Variants in IMMP2L observed in about 807,000 individuals in gnomAD.
The protein encoded by IMMP2L is mitochondrial inner membrane protease subunit 2.
A neutral mutation model predicts 19.3 loss-of-function variants in IMMP2L; 18 were observed. The ratio of observed to expected loss-of-function variants is 0.93; its 90% CI spans 0.64 to 1.38. The LOEUF is 1.38. IMMP2L is among the 40% of genes most tolerant of loss of function. The pLI is 0.00. For synonymous variants in IMMP2L, 76 were observed against 73.0 expected (o/e 1.04, Z -0.21); for missense variants, 233 against 218.2 (o/e 1.07, Z -0.43).
intron 3 of IMMP2L, among the ~76,000 whole-genome samples, chr7:111,191,007 C>T (rs547734334): frequency 4.8e-4 from 73 of 152,002 alleles, no homozygotes; most frequent in Non-Finnish European, 8.4e-4. Flanking sequence ...AGCGGGCAAA[C>T]GGAATAGGAA....
intron 3 of IMMP2L, among the ~76,000 whole-genome samples, chr7:111,452,909 A>C (rs921089904): frequency 5.3e-5 from 8 of 152,166 alleles, no homozygotes; most frequent in Non-Finnish European, 1.5e-5. Context: ...GCTAGAAAGT[A>C]AGCTTCAAAA....
chr7:111,062,524 G>A (rs1794113443), intron 3 of IMMP2L, among the ~76,000 whole-genome samples: 1 of 152,050 alleles, frequency 6.6e-6, no homozygotes, highest in Non-Finnish European at 1.5e-5. Flanking sequence ...CTTCCCAACA[G>A]TCCCCTAAAG....
intron 3 of IMMP2L, among the ~76,000 whole-genome samples, chr7:111,471,669 T>C (rs1209575044): frequency 6.6e-6 from 1 of 152,172 alleles, no homozygotes; most frequent in Non-Finnish European, 1.5e-5. Context: ...TCTCACTTGT[T>C]TCAAAGTGTT....
intron 2 of IMMP2L, among the ~76,000 whole-genome samples, chr7:111,520,789 T>G (rs542960811): frequency 2.6e-4 from 39 of 152,262 alleles, no homozygotes; most frequent in African/African-American, 8.9e-4. Context: ...CATAAAACTT[T>G]TGGAAATCTC....
chr7:111,338,585 G>A (rs530952271), intron 3 of IMMP2L, among the ~76,000 whole-genome samples: 1 of 152,178 alleles, frequency 6.6e-6, no homozygotes, highest in Non-Finnish European at 1.5e-5. Context: ...GTTAGTTTAG[G>A]ATCTTATAGC....
chr7:111,320,259 T>C (rs554657773), intron 3 of IMMP2L, among the ~76,000 whole-genome samples: 6 of 152,180 alleles, frequency 3.9e-5, no homozygotes, highest in Admixed American at 2.0e-4. Context: ...CCTCAGTCAA[T>C]GGCTTCACCA....
At chr7:111,352,209 A>G (rs987258958) in intron 3 of IMMP2L, among the ~76,000 whole-genome samples, 5 of 152,058 alleles carry the variant, frequency 3.3e-5, no homozygotes, top group African/African-American at 1.2e-4. Flanking sequence ...AGGATATGGG[A>G]GAAGTATTTT....
rs147133517 is a variant in IMMP2L, at chr7:111,357,806, T to C, written c.239+129432A>G. Among the ~76,000 whole-genome samples, 6 of 152,056 alleles carry C rather than the reference T, an allele frequency of 3.9e-5. No individual in the cohort carries two copies. In the South Asian group the frequency reaches 1.0e-3, roughly 26 times the overall value. On this transcript the variant is annotated intron_variant, in intron 3 of 5. Coordinates refer to ENST00000405709, the MANE Select transcript of IMMP2L (RefSeq NM_032549.4). ...AAGAAATTATATATATATATACTTA[T>C]CCATTTCTATCTGGTACTTTTAACC... is the stretch of plus-strand genomic sequence containing the variant.
At chr7:110,796,836 C>T (rs1019396928) in intron 5 of IMMP2L, among the ~76,000 whole-genome samples, 4 of 151,942 alleles carry the variant, frequency 2.6e-5, no homozygotes, top group South Asian at 2.1e-4. Flanking sequence ...AGGTGTTAGC[C>T]GAACACTCCA....
At chr7:110,904,997 T>G (rs1812301920) in intron 4 of IMMP2L, among the ~76,000 whole-genome samples, 1 of 152,194 alleles carries the variant, frequency 6.6e-6, no homozygotes, top group Non-Finnish European at 1.5e-5. Flanking sequence ...AATACCACTT[T>G]GATCAGATAA....
intron 3 of IMMP2L, among the ~76,000 whole-genome samples, chr7:111,031,721 G>A (rs192608904): frequency 5.9e-4 from 90 of 152,180 alleles, no homozygotes; most frequent in African/African-American, 2.0e-3. Flanking sequence ...TGCTCATAGT[G>A]ACTATCTTCT....
chr7:111,252,609 G>T (rs951589082), intron 3 of IMMP2L, among the ~76,000 whole-genome samples: 60 of 152,260 alleles, frequency 3.9e-4, no homozygotes, highest in African/African-American at 1.4e-3. Flanking sequence ...ATAATACGTG[G>T]CTCCAAGACT....
chr7:110,953,296 C>G (rs1296832233), intron 4 of IMMP2L, among the ~76,000 whole-genome samples: 1 of 151,984 alleles, frequency 6.6e-6, no homozygotes, highest in Non-Finnish European at 1.5e-5. Context: ...AGTTATTTCT[C>G]CTAGTGCTGT....
chr7:110,882,287 G>GCCTTCCTTCCCT lies in IMMP2L; in HGVS notation c.408+4305_408+4306insAGGGAAGGAAGG, dbSNP rs1554445659. 3.1e-4 allele frequency among the ~76,000 whole-genome samples: 38 copies of GCCTTCCTTCCCT among 122,180 alleles called. 1 individual carries two copies. The highest frequency in any genetic ancestry group is 1.3e-3 in the African/African-American group (38 of 30,180). The allele number at this position is 122,180 out of a possible 152,430, so 80.2% of individuals were successfully genotyped here. Reference sequence around the variant, plus strand: ...GTCCCAATTCCTCTCTTTGTCAAGTGCCTTCCTTCCTTCCTTCCTTCCTTC... The same window carrying GCCTTCCTTCCCT: ...GTCCCAATTCCTCTCTTTGTCAAGTGCCTTCCTTCCCTCCTTCCTTCCTTCCTTCCTTCCTTC... On this transcript the variant is annotated intron_variant, in intron 5 of 5. Transcript: ENST00000405709.
intron 5 of IMMP2L, among the ~76,000 whole-genome samples, chr7:110,666,398 C>G (rs375854493): frequency 9.8e-4 from 149 of 152,264 alleles, no homozygotes; most frequent in African/African-American, 3.4e-3. Context: ...CCTCAGCCTC[C>G]TGAGTAGCTG....
At position 110,727,294 on chromosome 7, in the gene IMMP2L, G is replaced by A; in HGVS notation, c.409-63573C>T. On this transcript the variant is annotated intron_variant, in intron 5 of 5. Coordinates refer to ENST00000405709, the MANE Select transcript of IMMP2L (RefSeq NM_032549.4). The surrounding 1 kb of genome is among the most constrained non-coding windows in gnomAD (Gnocchi z 4.3). ...AAATCCCAGCTACTCAGGAGGCTGG[G>A]GCAGGAGAAGCACTTGAACCCAGGA... Among the ~76,000 whole-genome samples, 1 of 152,084 alleles carries A rather than the reference G, an allele frequency of 6.6e-6. No individual in the cohort carries two copies. Among genetic ancestry groups the A allele is most frequent in the East Asian group, 1.9e-4 (1 of 5,182 alleles).
In IMMP2L at chr7:110,969,674, T is replaced by C. The variant is rs529159784; in HGVS notation, c.240-6109A>G. ...TTTTTAAGTGTATAGAAAACTTTAA[T>C]GAAAATAGAGTCAAATTTCAAGCAA... is the stretch of plus-strand genomic sequence containing the variant. On this transcript the variant is annotated intron_variant, in intron 3 of 5. Coordinates refer to ENST00000405709, the MANE Select transcript of IMMP2L (RefSeq NM_032549.4). Among the ~76,000 whole-genome samples, 3 of 152,198 alleles carry C rather than the reference T, an allele frequency of 2.0e-5. No homozygotes were observed. The East Asian group carries it at 5.8e-4, about 30-fold the overall frequency.
intron 3 of IMMP2L, among the ~76,000 whole-genome samples, chr7:111,321,571 G>A (rs1348690107): frequency 1.3e-5 from 2 of 151,586 alleles, no homozygotes; most frequent in Admixed American, 6.6e-5. Context: ...TCAGGTTTTT[G>A]TAGTACATCA....
Position 111,173,222 on chromosome 7 carries a change from T to G in IMMP2L, c.240-209657A>C, listed in dbSNP as rs542224182. The stretch of plus-strand genomic sequence containing the variant: ...TTCAAAATTTAACATTATTAGATGA[T>G]GACATCTAAAACCTCAGACTCTCTT... On this transcript the variant is annotated intron_variant, in intron 3 of 5. Transcript: ENST00000405709. Among the ~76,000 whole-genome samples, 154 of 151,776 alleles carry G rather than the reference T, an allele frequency of 1.0e-3. 1 individual carries two copies. Among genetic ancestry groups the G allele is most frequent in the African/African-American group, 3.5e-3 (145 of 41,490 alleles).
Sources: allele counts gnomAD v4.1 joint callset (sites outside exome capture counted in the v4.1 genomes callset), GRCh38; gene constraint gnomAD v4.1.1; non-coding constraint Gnocchi (gnomAD v3.1); transcripts MANE v1.5; gene names NCBI Gene and HGNC (gene_info 2026-07-23, HGNC 2026-07-21).